The following EPHA6 variants were observed in gnomAD, a reference collection of about 807,000 sequenced individuals.
EPHA6 encodes EPH receptor A6, also known as ephrin type-A receptor 6.
EPHA6 carries 50 observed loss-of-function variants against 112.0 expected under a neutral mutation model. That is an observed-to-expected ratio of 0.45 (90% CI 0.36 to 0.56). EPHA6 has a LOEUF of 0.56. Among genes scored for constraint, EPHA6 ranks in the 20% least tolerant of loss-of-function variants. The pLI, the probability that EPHA6 is intolerant of heterozygous loss-of-function variation, is 0.00. For synonymous variants in EPHA6, 529 were observed against 490.7 expected (o/e 1.08, Z -1.03); for missense variants, 1,280 against 1,417.4 (o/e 0.90, Z 1.56).
intron 5 of EPHA6, among the ~76,000 whole-genome samples, chr3:97,278,437 A>G (rs1015036539): frequency 2.6e-5 from 4 of 152,236 alleles, no homozygotes; most frequent in Admixed American, 6.5e-5. Context: ...AAGTTTATAA[A>G]TTGAATAACA....
chr3:97,137,332 G>C (rs964914488), intron 3 of EPHA6, among the ~76,000 whole-genome samples: 5 of 152,052 alleles, frequency 3.3e-5, no homozygotes, highest in Admixed American at 1.3e-4. Context: ...CTTACCACAT[G>C]TTCCATAGAT....
At chr3:96,939,696 A>G (rs999800435) in intron 2 of EPHA6, among the ~76,000 whole-genome samples, 6 of 152,066 alleles carry the variant, frequency 3.9e-5, no homozygotes, top group African/African-American at 1.4e-4. Flanking sequence ...TTGTGATGTT[A>G]GGGTGTCAAT....
chr3:96,937,784 A>G (rs2040683218), intron 2 of EPHA6, among the ~76,000 whole-genome samples: 2 of 152,080 alleles, frequency 1.3e-5, no homozygotes, highest in Non-Finnish European at 1.5e-5. Context: ...TAATTTTTGT[A>G]TAAGGTGTAA....
chr3:97,572,327 T>C (rs1691766506), intron 11 of EPHA6, among the ~76,000 whole-genome samples: 1 of 151,938 alleles, frequency 6.6e-6, no homozygotes, highest in Non-Finnish European at 1.5e-5. Flanking sequence ...ATTTTTTGTA[T>C]TTTTAGTAGA....
intron 2 of EPHA6, among the ~76,000 whole-genome samples, chr3:96,971,592 A>G (rs1041436793): frequency 6.6e-6 from 1 of 152,180 alleles, no homozygotes; most frequent in East Asian, 1.9e-4. Flanking sequence ...CAAAGTGACT[A>G]AGTAGTTCTG....
chr3:97,230,059 T>G (rs1398290737), intron 4 of EPHA6, among the ~76,000 whole-genome samples: 1 of 152,106 alleles, frequency 6.6e-6, no homozygotes, highest in Non-Finnish European at 1.5e-5. Context: ...CATACTACAG[T>G]TTAGGTAGTT....
At chr3:96,853,622 A>T (rs566827633) in intron 1 of EPHA6, among the ~76,000 whole-genome samples, 3 of 152,052 alleles carry the variant, frequency 2.0e-5, no homozygotes, top group Non-Finnish European at 4.4e-5. Flanking sequence ...ATACATATAT[A>T]TAAAGAAAAC....
intron 3 of EPHA6, among the ~76,000 whole-genome samples, chr3:97,152,633 A>G (rs879914728): frequency 3.3e-5 from 5 of 152,020 alleles, no homozygotes; most frequent in Admixed American, 6.6e-5. Flanking sequence ...AGGATTCAGC[A>G]TTTACTTAAT....
intron 5 of EPHA6, among the ~76,000 whole-genome samples, chr3:97,370,100 C>T (rs16838594): frequency 1.3e-5 from 2 of 152,004 alleles, no homozygotes; most frequent in Non-Finnish European, 2.9e-5. Flanking sequence ...ATTTACAACT[C>T]GTATGGTAGC....
chr3:97,060,553 A>G (rs995556522), intron 3 of EPHA6, among the ~76,000 whole-genome samples: 1 of 152,158 alleles, frequency 6.6e-6, no homozygotes, highest in African/African-American at 2.4e-5. Context: ...TTTGTTTACA[A>G]ATTTCCTTGT....
intron 3 of EPHA6, among the ~76,000 whole-genome samples, chr3:97,121,244 A>T (rs747348935): frequency 5.9e-5 from 9 of 152,046 alleles, no homozygotes; most frequent in Admixed American, 1.3e-4. Flanking sequence ...TTTCTTCAGA[A>T]AAATTTACGA....
chr3:96,989,708 C>T (rs78318877), intron 3 of EPHA6, among the ~76,000 whole-genome samples: 3,571 of 152,098 alleles, frequency 0.023, 147 homozygotes, highest in African/African-American at 0.082. Flanking sequence ...ATGCCTTACC[C>T]TGGCAGCAGA....
intron 3 of EPHA6, among the ~76,000 whole-genome samples, chr3:97,198,350 C>T (rs16838456): frequency 0.013 from 1,907 of 152,220 alleles, 33 homozygotes; most frequent in African/African-American, 0.041. Context: ...TGAATCCTCC[C>T]GGTGCTGTTA....
Position 96,840,977 on chromosome 3 carries a change from G to A in EPHA6, c.386-25848G>A, listed in dbSNP as rs1020465527. 2.0e-5 allele frequency among the ~76,000 whole-genome samples: 3 copies of A among 152,028 alleles called. No individual in the cohort carries two copies. In the South Asian group the frequency reaches 6.2e-4, roughly 32 times the overall value. On this transcript the variant is annotated intron_variant, in intron 1 of 17. Coordinates refer to ENST00000389672, the MANE Select transcript of EPHA6 (RefSeq NM_001080448.3). ...TGTGAACCCCCAAAATCTGAGACAG[G>A]TCTCAGTTAATTTTGCCAAGGTTGA...
At chr3:96,994,732 T>TATATATAGAGAGAGAGAGAGAG (rs1170197805) in intron 3 of EPHA6, among the ~76,000 whole-genome samples, 14 of 82,198 alleles carry the variant, frequency 1.7e-4, no homozygotes, top group African/African-American at 7.7e-4. Context: ...TATATATATA[T>TATATATAGAGAGAGAGAGAGAG]AGAGAGAGAG....
chr3:97,267,925 A>G (rs1283897135), intron 5 of EPHA6, among the ~76,000 whole-genome samples: 1 of 152,196 alleles, frequency 6.6e-6, no homozygotes, highest in Non-Finnish European at 1.5e-5. Context: ...GCTGAAAGTA[A>G]CAGAAAACCT....
At chr3:97,346,668 T>C (rs1210696671) in intron 5 of EPHA6, among the ~76,000 whole-genome samples, 1 of 93,952 alleles carries the variant, frequency 1.1e-5, no homozygotes, top group Non-Finnish European at 1.7e-5. Context: ...AGATGTTCAA[T>C]TTTTTTTTTT....
Position 97,100,721 on chromosome 3 carries a change from G to A in EPHA6, c.1114+112728G>A, listed in dbSNP as rs1909829. ...TTTTAAAAAGTTGAAATACATTTCA[G>A]TTACTCTGAACATTATCAAAGTGAT... On this transcript the variant is annotated intron_variant, in intron 3 of 17. Coordinates refer to ENST00000389672, the MANE Select transcript of EPHA6 (RefSeq NM_001080448.3). Among the ~76,000 whole-genome samples the A allele has an allele frequency of 1.0e-3, 156 of 151,878 alleles. 1 individual carries two copies. Among genetic ancestry groups the A allele is most frequent in the African/African-American group, 3.6e-3 (151 of 41,420 alleles).
At chr3:97,397,891 AC>A (rs2086783555) in intron 5 of EPHA6, among the ~76,000 whole-genome samples, 1 of 151,558 alleles carries the variant, frequency 6.6e-6, no homozygotes, top group Non-Finnish European at 1.5e-5. Context: ...ACACTTCATA[AC>A]TATGTAAAAT....
Sources: allele counts gnomAD v4.1 joint callset (sites outside exome capture counted in the v4.1 genomes callset), GRCh38; gene constraint gnomAD v4.1.1; transcripts MANE v1.5; gene names NCBI Gene and HGNC (gene_info 2026-07-23, HGNC 2026-07-21).